Variants in KRT15 observed in about 807,000 individuals in gnomAD.
KRT15 encodes the protein keratin 15.
Under a neutral mutation model 46.6 loss-of-function variants are expected in KRT15, and 45 were observed. The ratio of observed to expected loss-of-function variants is 0.97; its 90% CI spans 0.76 to 1.24. The LOEUF is 1.24. KRT15 is among the 50% of genes most tolerant of loss of function. The pLI, the probability that KRT15 is intolerant of heterozygous loss-of-function variation, is 0.00. For synonymous variants in KRT15, 221 were observed against 233.8 expected, an observed-to-expected ratio of 0.95 and a Z score of 0.50; for missense variants, 592 against 588.9, an observed-to-expected ratio of 1.01 and a Z score of -0.05.
At chr17:41,516,437 T>G (rs1429517549) in intron 3 of KRT15, among the ~76,000 whole-genome samples, 172 bp from the exon 4 acceptor site, 1 of 152,178 alleles carries the variant, frequency 6.6e-6, no homozygotes, top group African/African-American at 2.4e-5. Context: ...AGTTCTCTGC[T>G]GCTCTAGGTC....
chr17:41,518,271 A>C, intron 1 of KRT15, 59 bp downstream of exon 1: 11 of 1,535,498 alleles, frequency 7.2e-6, no homozygotes, highest in South Asian at 2.5e-5. Context: ...CACTGACATT[A>C]GAGCTGTGTA....
Position 41,515,652 on chromosome 17 carries a change from C to A in KRT15, c.1067G>T (p.Arg356Leu), listed in dbSNP as rs778748722. ...LENSLAETEC[R>L]YATQLQQIQG... ...GATCTGCTGCAGCTGCGTGGCATAG[C>A]GGCACTCTGTCTCGGCCAGTGAGTT... Residue 356 changes from arginine to leucine, a missense_variant, in exon 6 of 8, where the codon CGC becomes CTC. Physicochemically the swap from Arg to Leu is moderately radical, Grantham distance 102. Transcript: ENST00000254043. The A allele has an allele frequency of 1.2e-6, 2 of 1,614,134 alleles. No homozygotes were observed. Among genetic ancestry groups the A allele is most frequent in the Middle Eastern group, 1.6e-4 (1 of 6,062 alleles).
At chr17:41,515,359 T>C in intron 6 of KRT15, 113 bp downstream of exon 6, 1 of 883,310 alleles carries the variant, frequency 1.1e-6, no homozygotes, top group Non-Finnish European at 1.8e-6. Flanking sequence ...CTCAGTTCTC[T>C]TTTCACAGTC....
At chr17:41,515,354 TTC>T in intron 6 of KRT15, 116 bp downstream of exon 6, 1 of 823,654 alleles carries the variant, frequency 1.2e-6, no homozygotes, top group Non-Finnish European at 2.0e-6. Flanking sequence ...CCTTGCTCAG[TTC>T]TCTTTTCACA....
chr17:41,514,520 C>T (rs141892685), intron 7 of KRT15, 129 bp downstream of exon 7: 170 of 818,692 alleles, frequency 2.1e-4, no homozygotes, highest in East Asian at 1.5e-3. Flanking sequence ...GAAGAGGCAT[C>T]TAATGAATGG....
rs758520635 is a variant in KRT15, at chr17:41,518,695, A to G, written c.133T>C (p.Ser45Pro). The G allele has an allele frequency of 2.5e-6, 4 of 1,613,148 alleles. No individual in the cohort carries two copies. The East Asian group carries it at 6.7e-5, about 27-fold the overall frequency. The part of the protein sequence containing the change: ...LSGGGGSRSI[S>P]ASSARFVSSG... ...GAGACAAACCTAGCAGAAGAAGCTGAGATACTTCGGCTTCCACCTCCCCCA... is the reference window on the plus strand; with the variant it reads ...GAGACAAACCTAGCAGAAGAAGCTGGGATACTTCGGCTTCCACCTCCCCCA... The change falls in exon 1 of 8, where the codon TCA (serine) becomes CCA (proline). Residue 45 changes from serine to proline, a missense_variant. Ser to Pro is a moderately conservative substitution (Grantham distance 74). Coordinates refer to ENST00000254043, the MANE Select transcript of KRT15 (RefSeq NM_002275.4).
chr17:41,515,862 G>T (rs964083632), intron 5 of KRT15, 23 bp downstream of exon 5: 30 of 1,613,920 alleles, frequency 1.9e-5, no homozygotes, highest in Non-Finnish European at 2.4e-5. Flanking sequence ...CGAGAGGCTG[G>T]GATGGGGCGC....
chr17:41,517,986 C>A (rs1276007308), intron 1 of KRT15, among the ~76,000 whole-genome samples: 1 of 152,118 alleles, frequency 6.6e-6, no homozygotes. Flanking sequence ...CCTCTAAATC[C>A]TGGACACGAG....
Position 41,514,126 on chromosome 17 carries a change from G to A in KRT15, c.1274-6C>T, listed in dbSNP as rs1331741175. 10 of 1,611,162 alleles carry A rather than the reference G, an allele frequency of 6.2e-6. No individual in the cohort carries two copies. The highest frequency in any genetic ancestry group is 1.3e-5 in the African/African-American group (1 of 74,980). Reference sequence around the variant, plus strand: ...ACCACCACCTCCTGAAGAGGCTAGAGAGAGAAGGAGTAGGCTTTAGAGTGG... The same window carrying A: ...ACCACCACCTCCTGAAGAGGCTAGAAAGAGAAGGAGTAGGCTTTAGAGTGG... On this transcript the variant is annotated splice_polypyrimidine_tract_variant and splice_region_variant and intron_variant, in intron 7 of 7. Coordinates refer to ENST00000254043, the MANE Select transcript of KRT15 (RefSeq NM_002275.4).
intron 6 of KRT15, chr17:41,515,149 G>C: frequency 2.7e-6 from 1 of 377,070 alleles, no homozygotes; most frequent in Non-Finnish European, 4.9e-6. Context: ...TTACAGGCAT[G>C]AGCCACTGAG....
rs1905517504 is a variant in KRT15 at position 41,518,573 on chromosome 17, A to C, written c.255T>G (p.Val85=). 1 of 1,596,062 alleles carries C rather than the reference A, an allele frequency of 6.3e-7. No homozygotes were observed. Among genetic ancestry groups the C allele is most frequent in the Non-Finnish European group, 8.5e-7 (1 of 1,172,448 alleles). ...CAAAGCCACCACCAAAACCCCCACC[A>C]ACGCCCCCTCCAAAGCCTCCACCGA... is the stretch of plus-strand genomic sequence containing the variant. ...SVFGGGFGGG[V]GGGFGGGFGG... The change falls in exon 1 of 8, where the codon GTT becomes GTG. Residue 85 remains valine, a synonymous_variant. Coordinates refer to ENST00000254043, the MANE Select transcript of KRT15 (RefSeq NM_002275.4).
chr17:41,514,798 C>T, intron 6 of KRT15, 124 bp from the exon 7 acceptor site: 1 of 873,734 alleles, frequency 1.1e-6, no homozygotes, highest in Non-Finnish European at 1.8e-6. Flanking sequence ...ACACATCTGA[C>T]TCCTCTAGGG....
rs142682445 is a variant in KRT15 at position 41,518,338 on chromosome 17, G to A, written c.490C>T (p.Arg164Trp). The change falls in exon 1 of 8, where the codon CGG becomes TGG. Residue 164 changes from arginine (R) to tryptophan (W), a missense_variant. Arg to Trp is a moderately radical substitution (Grantham distance 101, BLOSUM62 -3). Coordinates refer to ENST00000254043, the MANE Select transcript of KRT15 (RefSeq NM_002275.4). ...GACATCCGAGGACTCACCTTGTCCC[G>A]GAGCTCTTCAATGGTCTTGAAGTAT... ...SQYFKTIEELRDKIMATTIDN... is the reference protein window; with the variant it reads ...SQYFKTIEELWDKIMATTIDN... 6.8e-4 allele frequency: 1,092 copies of A among 1,611,124 alleles called. 2 individuals are homozygous for A. The highest frequency in any genetic ancestry group is 8.0e-4 in the Admixed American group (48 of 59,944).
At chr17:41,518,286 G>A in intron 1 of KRT15, 44 bp downstream of exon 1, 1 of 1,580,648 alleles carries the variant, frequency 6.3e-7, no homozygotes, top group Non-Finnish European at 8.6e-7. Context: ...TGTGTACAGG[G>A]TACCAGCCAC....
In KRT15 at chr17:41,518,879, A is replaced by T; in HGVS notation, c.-52T>A. The stretch of plus-strand genomic sequence containing the variant: ...CTCAGCAAACCCAAGAGATGCTGGC[A>T]GGAGGTACCAGGCCAGGCTGCACGC... On this transcript the variant is annotated 5_prime_UTR_variant, in exon 1 of 8. Coordinates refer to ENST00000254043, the MANE Select transcript of KRT15 (RefSeq NM_002275.4). The T allele has an allele frequency of 6.6e-7, 1 of 1,516,962 alleles. No homozygotes were observed. Among genetic ancestry groups the T allele is most frequent in the Non-Finnish European group, 8.8e-7 (1 of 1,136,186 alleles). 94.0% of individuals were successfully genotyped at this position (1,516,962 alleles called of 1,614,324 possible).
At position 41,514,139 on chromosome 17, in the gene KRT15, G is replaced by C; in HGVS notation, c.1274-19C>G. On this transcript the variant is annotated intron_variant, in intron 7 of 7. Transcript: ENST00000254043. The stretch of plus-strand genomic sequence containing the variant: ...GAAGAGGCTAGAGAGAGAAGGAGTA[G>C]GCTTTAGAGTGGGGGAACCTCCCCG... The C allele has an allele frequency of 1.2e-6, 2 of 1,601,080 alleles. No homozygotes were observed. Among genetic ancestry groups the C allele is most frequent in the Non-Finnish European group, 1.7e-6 (2 of 1,168,218 alleles).
intron 3 of KRT15, 92 bp from the exon 4 acceptor site, chr17:41,516,357 AAC>A: frequency 7.5e-7 from 1 of 1,324,822 alleles, no homozygotes; most frequent in African/African-American, 1.5e-5. Context: ...CTCTGCCCGT[AAC>A]ACACCCCAAC....
rs201948602 is a variant in KRT15 at position 41,516,052 on chromosome 17, C to T, written c.901-42G>A. On this transcript the variant is annotated intron_variant, in intron 4 of 7. Coordinates refer to ENST00000254043, the MANE Select transcript of KRT15 (RefSeq NM_002275.4). The stretch of plus-strand genomic sequence containing the variant: ...ACAGAAGTGAGCCCCGGGGCCTCCT[C>T]GGAGACTCAGGGACCTGGGGCAGGA... 159 of 1,614,092 alleles carry T rather than the reference C, an allele frequency of 9.9e-5. 1 individual carries two copies. The East Asian group carries it at 3.3e-3, about 34-fold the overall frequency.
intron 6 of KRT15, 190 bp downstream of exon 6, chr17:41,515,282 A>C (rs1905296863): frequency 1.7e-6 from 1 of 595,692 alleles, no homozygotes; most frequent in African/African-American, 1.9e-5. Flanking sequence ...GGATCCAGAG[A>C]GAGGAAGTGA....
Sources: allele counts gnomAD v4.1 joint callset (sites outside exome capture counted in the v4.1 genomes callset), GRCh38; gene constraint gnomAD v4.1.1; transcripts MANE v1.5; gene names NCBI Gene and HGNC (gene_info 2026-07-23, HGNC 2026-07-21).